The following RNF180 variants were observed in gnomAD, a reference collection of about 807,000 sequenced individuals.
The protein encoded by RNF180 is E3 ubiquitin-protein ligase RNF180.
A neutral mutation model predicts 59.2 loss-of-function variants in RNF180; 38 were observed. The observed-to-expected ratio is 0.64, with a 90% CI of 0.50 to 0.84. RNF180 has a LOEUF of 0.84. RNF180 is among the 40% of genes least tolerant of loss of function. The pLI, the probability that RNF180 is intolerant of heterozygous loss-of-function variation, is 0.00. For synonymous variants in RNF180, 262 were observed against 240.3 expected, an observed-to-expected ratio of 1.09 and a Z score of -0.84; for missense variants, 705 against 700.9, an observed-to-expected ratio of 1.01 and a Z score of -0.07.
At chr5:64,189,284 A>G (rs1751019350) in intron 1 of RNF180, among the ~76,000 whole-genome samples, 1 of 152,048 alleles carries the variant, frequency 6.6e-6, no homozygotes, top group South Asian at 2.1e-4. Flanking sequence ...ATGGAGAAAC[A>G]CTTTGGAATT....
chr5:64,348,999 T>C (rs1745672070), intron 7 of RNF180, among the ~76,000 whole-genome samples: 1 of 152,122 alleles, frequency 6.6e-6, no homozygotes, highest in South Asian at 2.1e-4. Flanking sequence ...AGTCATTTTC[T>C]CCTTAATTCC....
chr5:64,303,952 G>A (rs1337071704), intron 5 of RNF180, among the ~76,000 whole-genome samples: 1 of 151,638 alleles, frequency 6.6e-6, no homozygotes, highest in East Asian at 1.9e-4. Context: ...TAATGCAGCT[G>A]GTGACTAAGC....
intron 5 of RNF180, among the ~76,000 whole-genome samples, chr5:64,262,523 A>C (rs1744405593): frequency 6.6e-6 from 1 of 152,150 alleles, no homozygotes; most frequent in Admixed American, 6.6e-5. Context: ...ACTACCAATG[A>C]GTGTGAATTT....
intron 1 of RNF180, among the ~76,000 whole-genome samples, chr5:64,195,341 T>C (rs556072619): frequency 6.6e-5 from 10 of 152,290 alleles, no homozygotes; most frequent in Admixed American, 1.3e-4. Context: ...ATATACCAAG[T>C]GTATGAAAGT....
At chr5:64,225,564 C>T (rs1741658178) in intron 5 of RNF180, among the ~76,000 whole-genome samples, 1 of 139,726 alleles carries the variant, frequency 7.2e-6, no homozygotes, top group African/African-American at 2.7e-5. Context: ...GCCTGGCTGC[C>T]CCGTCTGGGA....
rs1472359039 is a variant in RNF180, at chr5:64,278,739, T to C, written c.1228-46447T>C. Among the ~76,000 whole-genome samples the C allele has an allele frequency of 2.6e-5, 4 of 152,326 alleles. No individual in the cohort carries two copies. In the East Asian group the frequency reaches 5.8e-4, roughly 22 times the overall value. On this transcript the variant is annotated intron_variant, in intron 5 of 7. Coordinates refer to ENST00000389100, the MANE Select transcript of RNF180 (RefSeq NM_001113561.2). ...AACTTACCTTTGAACATGTTATGCC[T>C]GCCTTTGCCTGTGTGGCAAATCCAC...
At chr5:64,185,756 C>G (rs1214060901) in intron 1 of RNF180, among the ~76,000 whole-genome samples, 1 of 152,190 alleles carries the variant, frequency 6.6e-6, no homozygotes, top group Non-Finnish European at 1.5e-5. Flanking sequence ...TGAGCTACTG[C>G]TTATGCCCTA....
chr5:64,364,707 T>C (rs191397847), intron 7 of RNF180, among the ~76,000 whole-genome samples: 1 of 151,876 alleles, frequency 6.6e-6, no homozygotes, highest in East Asian at 2.0e-4. Flanking sequence ...GGTCCTGGAA[T>C]TTTTTTGGTT....
intron 5 of RNF180, among the ~76,000 whole-genome samples, chr5:64,229,837 C>T (rs1440001048): frequency 2.0e-5 from 3 of 152,146 alleles, no homozygotes; most frequent in East Asian, 1.9e-4. Context: ...ATGATGTTAG[C>T]TAGTAGGTTA....
At chr5:64,234,772 TG>T (rs1203299203) in intron 5 of RNF180, among the ~76,000 whole-genome samples, 1 of 151,238 alleles carries the variant, frequency 6.6e-6, no homozygotes, top group African/African-American at 2.4e-5. Context: ...GCTAATTTTT[TG>T]TATTTTTAGT....
At chr5:64,207,618 A>G (rs1002008549) in intron 2 of RNF180, among the ~76,000 whole-genome samples, 1 of 152,132 alleles carries the variant, frequency 6.6e-6, no homozygotes, top group African/African-American at 2.4e-5. Context: ...TATTTTGGTA[A>G]TAGTGTGAAG....
intron 7 of RNF180, among the ~76,000 whole-genome samples, chr5:64,345,643 G>A (rs1745523734): frequency 1.3e-5 from 2 of 152,160 alleles, no homozygotes; most frequent in South Asian, 4.1e-4. Context: ...TATCTTTAAA[G>A]GCTGGGCCAC....
chr5:64,269,023 C>T (rs1441398533), intron 5 of RNF180, among the ~76,000 whole-genome samples: 1 of 152,118 alleles, frequency 6.6e-6, no homozygotes, highest in African/African-American at 2.4e-5. Flanking sequence ...TTCCCATGTC[C>T]ATACCCTTGC....
chr5:64,234,204 G>A (rs920882068), intron 5 of RNF180, among the ~76,000 whole-genome samples: 1 of 152,048 alleles, frequency 6.6e-6, no homozygotes, highest in Non-Finnish European at 1.5e-5. Context: ...AGTGGCTCAC[G>A]CCTATAATCA....
chr5:64,323,325 G>A (rs1458077767), intron 5 of RNF180, among the ~76,000 whole-genome samples: 1 of 152,092 alleles, frequency 6.6e-6, no homozygotes, highest in East Asian at 1.9e-4. Context: ...TGGATCACTT[G>A]AGCCCAGGAG....
chr5:64,313,170 T>G (rs1370451091), intron 5 of RNF180, among the ~76,000 whole-genome samples: 1 of 152,114 alleles, frequency 6.6e-6, no homozygotes, highest in African/African-American at 2.4e-5. Flanking sequence ...TTTTTTAACT[T>G]TTAGGTTCAG....
intron 5 of RNF180, among the ~76,000 whole-genome samples, chr5:64,323,552 A>G (rs1744478203): frequency 6.6e-6 from 1 of 152,126 alleles, no homozygotes; most frequent in South Asian, 2.1e-4. Context: ...TAATAATAAT[A>G]ATAATAGAAT....
chr5:64,279,082 C>G (rs546031436), intron 5 of RNF180, among the ~76,000 whole-genome samples: 2 of 152,112 alleles, frequency 1.3e-5, no homozygotes, highest in South Asian at 4.1e-4. Flanking sequence ...ATGAAAAGAA[C>G]CAAGGCTGGG....
At chr5:64,255,233 T>C (rs1193173237) in intron 5 of RNF180, among the ~76,000 whole-genome samples, 1 of 152,226 alleles carries the variant, frequency 6.6e-6, no homozygotes, top group East Asian at 1.9e-4. Context: ...CTTTAAGTTC[T>C]AGGGTACATG....
Sources: allele counts gnomAD v4.1 joint callset (sites outside exome capture counted in the v4.1 genomes callset), GRCh38; gene constraint gnomAD v4.1.1; transcripts MANE v1.5; gene names NCBI Gene and HGNC (gene_info 2026-07-23, HGNC 2026-07-21).